Variants in FIGLA observed in about 807,000 individuals in gnomAD.
The protein encoded by FIGLA is folliculogenesis specific bHLH transcription factor.
FIGLA carries 17 observed loss-of-function variants against 21.5 expected under a neutral mutation model. The ratio of observed to expected loss-of-function variants is 0.79; its 90% CI spans 0.54 to 1.19. The LOEUF (loss-of-function observed/expected upper bound fraction) is 1.19, where lower values mean the gene tolerates loss of function less well. FIGLA is among the 50% of genes most tolerant of loss of function. The pLI, the probability that FIGLA is intolerant of heterozygous loss-of-function variation, is 0.00. For missense variants in FIGLA, 282 were observed against 285.0 expected (o/e 0.99, Z 0.08); for synonymous variants, 129 against 117.6 (o/e 1.10, Z -0.63).
intron 3 of FIGLA, among the ~76,000 whole-genome samples, chr2:70,778,106 C>T (rs541564143): frequency 6.6e-6 from 1 of 152,184 alleles, no homozygotes; most frequent in African/African-American, 2.4e-5. Flanking sequence ...TTAACTTAGC[C>T]TTAAACATTT....
At position 70,786,470 on chromosome 2, in the gene FIGLA, A is replaced by AT. The variant is rs1247752306; in HGVS notation, c.385-832dup. On this transcript the variant is annotated intron_variant, in intron 2 of 4. Coordinates refer to ENST00000332372, the MANE Select transcript of FIGLA (RefSeq NM_001004311.3). Reference sequence around the variant, plus strand: ...CGGCGCCTGCCACCACGCCCGGCTAATTTTTTTGTATTTTTAGTAGAGATG... The same window carrying AT: ...CGGCGCCTGCCACCACGCCCGGCTAATTTTTTTTGTATTTTTAGTAGAGATG... 3.3e-5 allele frequency among the ~76,000 whole-genome samples: 5 copies of AT among 150,338 alleles called. No individual in the cohort carries two copies. The East Asian group carries it at 9.7e-4, about 29-fold the overall frequency.
chr2:70,783,222 G>A (rs1675889696), intron 3 of FIGLA, among the ~76,000 whole-genome samples: 3 of 152,088 alleles, frequency 2.0e-5, no homozygotes, highest in Non-Finnish European at 4.4e-5. Context: ...AATCTCAAAC[G>A]TCGAGTCTTC....
At chr2:70,785,336 T>A in intron 3 of FIGLA, 79 bp downstream of exon 3, 1 of 1,176,650 alleles carries the variant, frequency 8.5e-7, no homozygotes, top group Non-Finnish European at 1.2e-6. Context: ...TGTTTTAGCA[T>A]GGAAAAATGA....
rs781919941 is a variant in FIGLA at position 70,777,654 on chromosome 2, T to G, written c.627A>C (p.Val209=). The change falls in exon 4 of 5, where the codon GTA becomes GTC. Residue 209 remains valine (V), a synonymous_variant. Coordinates refer to ENST00000332372, the MANE Select transcript of FIGLA (RefSeq NM_001004311.3). ...TGACCTACCTGTGACTCAGCAGTTC[T>G]ACTTCTGGGAATCTATCCTGCAAAA... is the stretch of plus-strand genomic sequence containing the variant. ...PTRSLDRFPE[V]ELLSHRLPQV 1.3e-6 allele frequency: 2 copies of G among 1,549,644 alleles called. No individual in the cohort carries two copies. The highest frequency in any genetic ancestry group is 2.3e-5 in the South Asian group (2 of 87,572).
In FIGLA at chr2:70,790,507, G is replaced by A; in HGVS notation, c.132C>T (p.Cys44=). 1 of 1,541,848 alleles carries A rather than the reference G, an allele frequency of 6.5e-7. No individual in the cohort carries two copies. Residue 44 remains cysteine (C), a synonymous_variant, in exon 1 of 5, where the codon TGC becomes TGT. Coordinates refer to ENST00000332372, the MANE Select transcript of FIGLA (RefSeq NM_001004311.3). The stretch of plus-strand genomic sequence containing the variant: ...CGCCCGAGGGCAGCCGCTTGAGCCG[G>A]CAGACAGCGGCCAGCTGGGGCAGCG... ...FGPLPQLAAV[C]RLKRLPSGGY... is the part of the protein sequence containing the mutation.
At chr2:70,781,263 G>T (rs1675850996) in intron 3 of FIGLA, among the ~76,000 whole-genome samples, 1 of 152,084 alleles carries the variant, frequency 6.6e-6, no homozygotes, top group African/African-American at 2.4e-5. Flanking sequence ...TGGGAGATGG[G>T]TTATACACAG....
chr2:70,789,356 C>A (rs920969250), intron 1 of FIGLA, among the ~76,000 whole-genome samples: 2 of 152,130 alleles, frequency 1.3e-5, no homozygotes, highest in African/African-American at 4.8e-5. Context: ...GACTGATTCT[C>A]TGGAGAAGAC....
At chr2:70,785,731 G>T in intron 2 of FIGLA, 92 bp from the exon 3 acceptor site, 1 of 952,240 alleles carries the variant, frequency 1.1e-6, no homozygotes, top group Non-Finnish European at 1.6e-6. Context: ...AACTGATGAG[G>T]TTTCATTTAA....
chr2:70,783,559 C>T (rs1486155448), intron 3 of FIGLA, among the ~76,000 whole-genome samples: 1 of 152,186 alleles, frequency 6.6e-6, no homozygotes, highest in East Asian at 1.9e-4. Context: ...AGCCAGGTGG[C>T]TCACCATGAC....
intron 2 of FIGLA, among the ~76,000 whole-genome samples, chr2:70,786,465 G>A (rs1477978497): frequency 2.6e-5 from 4 of 152,100 alleles, no homozygotes; most frequent in East Asian, 1.9e-4. Context: ...CACCACGCCC[G>A]GCTAATTTTT....
rs782055424 is a variant in FIGLA, at chr2:70,785,548, T to C, written c.476A>G (p.His159Arg). Residue 159 changes from histidine (H) to arginine (R), a missense_variant, in exon 3 of 5, where the codon CAT becomes CGT. Physicochemically the swap from His to Arg is conservative, Grantham distance 29. Coordinates refer to ENST00000332372, the MANE Select transcript of FIGLA (RefSeq NM_001004311.3). ...ARQLSRNITQ[H>R]ISCAFGLKNE... ...CTTCAAGCCGAAAGCACAGCTGATA[T>C]GTTGGGTGATGTTTCTTGACAGCTG... The C allele has an allele frequency of 7.4e-6, 12 of 1,613,992 alleles. No homozygotes were observed. The highest frequency in any genetic ancestry group is 1.7e-5 in the Admixed American group (1 of 60,026).
chr2:70,785,899 T>C (rs1355859129), intron 2 of FIGLA, among the ~76,000 whole-genome samples: 1 of 152,200 alleles, frequency 6.6e-6, no homozygotes, highest in East Asian at 1.9e-4. Context: ...AACAAAGCAC[T>C]TCTGTTACAC....
chr2:70,784,763 T>C (rs1168344683), intron 3 of FIGLA, among the ~76,000 whole-genome samples: 1 of 152,168 alleles, frequency 6.6e-6, no homozygotes, highest in Non-Finnish European at 1.5e-5. Flanking sequence ...CAGAGTAGGA[T>C]AGAGCAGGGG....
At chr2:70,789,335 G>C (rs190526231) in intron 1 of FIGLA, among the ~76,000 whole-genome samples, 136 of 152,190 alleles carry the variant, frequency 8.9e-4, no homozygotes, top group Non-Finnish European at 1.5e-3. Flanking sequence ...TGTTTTAGTG[G>C]ATAAAACCAG....
chr2:70,782,571 T>C (rs1287554235), intron 3 of FIGLA, among the ~76,000 whole-genome samples: 1 of 152,216 alleles, frequency 6.6e-6, no homozygotes, highest in Non-Finnish European at 1.5e-5. Flanking sequence ...TGTATGGCGG[T>C]AACGCCGCAA....
chr2:70,785,705 T>C (rs781832186), intron 2 of FIGLA, 66 bp from the exon 3 acceptor site: 3 of 1,256,506 alleles, frequency 2.4e-6, no homozygotes, highest in East Asian at 2.3e-5. Flanking sequence ...CTTAAACTAA[T>C]ATATTTCAAA....
Position 70,790,436 on chromosome 2 carries a change from C to T in FIGLA, c.203G>A (p.Arg68His). 6.5e-7 allele frequency: 1 copy of T among 1,541,310 alleles called. No homozygotes were observed. The highest frequency in any genetic ancestry group is 8.7e-7 in the Non-Finnish European group (1 of 1,144,202). The stretch of plus-strand genomic sequence containing the variant: ...CTCACGCTCCTTGGCGTTGGCCACA[C>T]GCCGCCGCTCCAGCACCAACTGGAG... The part of the protein sequence containing the change: ...ENLQLVLERR[R>H]VANAKERERI... The change falls in exon 1 of 5, where the codon CGT (arginine) becomes CAT (histidine). Residue 68 changes from arginine (R) to histidine (H), a missense_variant. Physicochemically the swap from Arg to His is conservative, Grantham distance 29 (BLOSUM62 0). Coordinates refer to ENST00000332372, the MANE Select transcript of FIGLA (RefSeq NM_001004311.3).
intron 3 of FIGLA, among the ~76,000 whole-genome samples, chr2:70,779,236 G>C (rs1213293727): frequency 2.6e-5 from 4 of 152,220 alleles, no homozygotes; most frequent in African/African-American, 9.6e-5. Context: ...GGACAAACCA[G>C]AAGGCACCCA....
intron 1 of FIGLA, among the ~76,000 whole-genome samples, chr2:70,789,415 C>T (rs1553390505): frequency 1.3e-5 from 2 of 152,148 alleles, no homozygotes; most frequent in African/African-American, 4.8e-5. Context: ...ATCATAATCT[C>T]TTTGTAGGGC....
Sources: gnomAD v4.1 joint callset for allele counts (sites outside exome capture counted in the v4.1 genomes callset) on GRCh38, gnomAD v4.1.1 for gene constraint, MANE v1.5 for transcripts, NCBI Gene and HGNC (gene_info 2026-07-23, HGNC 2026-07-21) for gene names.